NKAIN3: variants seen among roughly 807,000 people sequenced by gnomAD.
NKAIN3 encodes sodium/potassium transporting ATPase interacting 3, also known as sodium/potassium-transporting ATPase subunit beta-1-interacting protein 3.
NKAIN3 carries 25 observed loss-of-function variants against 30.2 expected under a neutral mutation model. The ratio of observed to expected loss-of-function variants is 0.83; its 90% CI spans 0.60 to 1.16. The LOEUF (loss-of-function observed/expected upper bound fraction) is 1.16, where lower values mean the gene tolerates loss of function less well. NKAIN3 is among the 50% of genes most tolerant of loss of function. The pLI, the probability that NKAIN3 is intolerant of heterozygous loss-of-function variation, is 0.00. For missense variants in NKAIN3, 225 were observed against 254.1 expected, an observed-to-expected ratio of 0.89 and a Z score of 0.78; for synonymous variants, 91 against 89.6, an observed-to-expected ratio of 1.02 and a Z score of -0.09.
At chr8:62,453,424 A>C (rs1805713781) in intron 1 of NKAIN3, among the ~76,000 whole-genome samples, 1 of 152,186 alleles carries the variant, frequency 6.6e-6, no homozygotes. Context: ...CCACATCAAA[A>C]AGTTAGAAAG....
At chr8:62,673,001 A>G (rs1238506155) in intron 3 of NKAIN3, among the ~76,000 whole-genome samples, 2 of 152,210 alleles carry the variant, frequency 1.3e-5, no homozygotes, top group Admixed American at 6.5e-5. Flanking sequence ...CACATGCCCT[A>G]TGTTATCTTA....
At chr8:62,865,967 A>G (rs1820401856) in intron 4 of NKAIN3, among the ~76,000 whole-genome samples, 1 of 152,210 alleles carries the variant, frequency 6.6e-6, no homozygotes, top group South Asian at 2.1e-4. Flanking sequence ...GATTTTTAAA[A>G]AAGTGGCTCC....
rs2130919004 is a variant in NKAIN3, at chr8:62,976,191, C to G, written c.*10784C>G. Among the ~76,000 whole-genome samples, 1 of 151,532 alleles carries G rather than the reference C, an allele frequency of 6.6e-6. No individual in the cohort carries two copies. Among genetic ancestry groups the G allele is most frequent in the East Asian group, 2.0e-4 (1 of 5,088 alleles). The stretch of plus-strand genomic sequence containing the variant: ...TTGGGGTGGAGAGTTCTGTAGATAT[C>G]TATTAGGTCTGCTTGGTCAAGAGGT... On this transcript the variant is annotated 3_prime_UTR_variant, in exon 7 of 7. Transcript: ENST00000623646.
intron 1 of NKAIN3, among the ~76,000 whole-genome samples, chr8:62,322,231 C>G (rs1814951556): frequency 6.6e-6 from 1 of 152,186 alleles, no homozygotes; most frequent in Non-Finnish European, 1.5e-5. Flanking sequence ...TCTGTCACCC[C>G]TTTCTTTGAC....
rs182842203 is a variant in NKAIN3 at position 62,540,476 on chromosome 8, T to C, written c.55-39063T>C. On this transcript the variant is annotated intron_variant, in intron 1 of 6. Coordinates refer to ENST00000623646, the MANE Select transcript of NKAIN3 (RefSeq NM_001304533.3). ...TACTACATTTCCATTCTTATAGTCA[T>C]ATCTTTTCATTTATTTGTTTTCTAC... Among the ~76,000 whole-genome samples, 13 of 152,342 alleles carry C rather than the reference T, an allele frequency of 8.5e-5. No individual in the cohort carries two copies. In the East Asian group the frequency reaches 2.3e-3, roughly 27 times the overall value.
chr8:62,977,173 T>G lies in NKAIN3; in HGVS notation c.*11766T>G, dbSNP rs1473800285. Among the ~76,000 whole-genome samples, 1 of 152,208 alleles carries G rather than the reference T, an allele frequency of 6.6e-6. No individual in the cohort carries two copies. Among genetic ancestry groups the G allele is most frequent in the Non-Finnish European group, 1.5e-5 (1 of 68,038 alleles). On this transcript the variant is annotated 3_prime_UTR_variant, in exon 7 of 7. Coordinates refer to ENST00000623646, the MANE Select transcript of NKAIN3 (RefSeq NM_001304533.3). Reference sequence around the variant, plus strand: ...ACGATTATGTGTCTTGGGGTTGCTCTTCTCAAAGAGTATCTTTGTGGTGTT... The same window carrying G: ...ACGATTATGTGTCTTGGGGTTGCTCGTCTCAAAGAGTATCTTTGTGGTGTT...
intron 1 of NKAIN3, among the ~76,000 whole-genome samples, chr8:62,435,934 T>TTC (rs1168586707): frequency 1.3e-5 from 2 of 152,206 alleles, no homozygotes; most frequent in Non-Finnish European, 2.9e-5. Flanking sequence ...CCATTAAATA[T>TTC]TCTACACAGT....
chr8:62,959,437 T>G (rs935306145), intron 6 of NKAIN3, among the ~76,000 whole-genome samples: 2 of 145,614 alleles, frequency 1.4e-5, no homozygotes, highest in Non-Finnish European at 3.0e-5. Flanking sequence ...AATCAGGGTG[T>G]GTGTGTGTGT....
At chr8:62,280,682 G>C (rs543326133) in intron 1 of NKAIN3, among the ~76,000 whole-genome samples, 1 of 152,244 alleles carries the variant, frequency 6.6e-6, no homozygotes, top group South Asian at 2.1e-4. Flanking sequence ...TACATTTATT[G>C]ATTTGCATAC....
chr8:62,590,299 G>C (rs559240248), intron 3 of NKAIN3, among the ~76,000 whole-genome samples: 2 of 151,898 alleles, frequency 1.3e-5, no homozygotes, highest in South Asian at 4.1e-4. Flanking sequence ...ATGCATCAGC[G>C]TGGTGATTCC....
At chr8:62,462,511 T>C (rs1338335090) in intron 1 of NKAIN3, among the ~76,000 whole-genome samples, 1 of 152,258 alleles carries the variant, frequency 6.6e-6, no homozygotes, top group African/African-American at 2.4e-5. Flanking sequence ...CTGGGCAAAG[T>C]CCCTGCTGTC....
intron 1 of NKAIN3, among the ~76,000 whole-genome samples, chr8:62,272,318 G>T (rs888585698): frequency 6.6e-6 from 1 of 152,132 alleles, no homozygotes; most frequent in African/African-American, 2.4e-5. Context: ...GAGTATGGGG[G>T]ATATGAGTGT....
At chr8:62,653,436 C>T (rs1812682946) in intron 3 of NKAIN3, among the ~76,000 whole-genome samples, 1 of 152,114 alleles carries the variant, frequency 6.6e-6, no homozygotes, top group Admixed American at 6.6e-5. Flanking sequence ...TGATGGGCTT[C>T]AGTGTAGGAG....
At chr8:62,603,810 G>A (rs932157364) in intron 3 of NKAIN3, among the ~76,000 whole-genome samples, 26 of 152,082 alleles carry the variant, frequency 1.7e-4, no homozygotes, top group Non-Finnish European at 2.9e-4. Context: ...ATAAGTTTGA[G>A]AATGCAAGGT....
chr8:62,442,566 G>A (rs1248978196), intron 1 of NKAIN3, among the ~76,000 whole-genome samples: 3 of 151,320 alleles, frequency 2.0e-5, no homozygotes, highest in African/African-American at 7.3e-5. Flanking sequence ...CTTTTTGACT[G>A]GTTAATGTTT....
intron 1 of NKAIN3, among the ~76,000 whole-genome samples, chr8:62,364,848 A>AAAAAAAAAAAAAG (rs1476804084): frequency 6.6e-6 from 1 of 151,198 alleles, no homozygotes; most frequent in African/African-American, 2.4e-5. Flanking sequence ...AAAAAAAAAA[A>AAAAAAAAAAAAAG]AAATCATCTA....
intron 1 of NKAIN3, among the ~76,000 whole-genome samples, chr8:62,261,693 T>C (rs1812448805): frequency 6.6e-6 from 1 of 152,234 alleles, no homozygotes; most frequent in African/African-American, 2.4e-5. Context: ...ATATTCTATC[T>C]TGAAGAAGGC....
intron 1 of NKAIN3, among the ~76,000 whole-genome samples, chr8:62,377,680 TAGTG>T (rs1244048271): frequency 1.3e-5 from 2 of 152,032 alleles, no homozygotes; most frequent in African/African-American, 2.4e-5. Context: ...GTTCTCATGA[TAGTG>T]AGTGAGTTCT....
chr8:62,838,185 A>G (rs1384842072), intron 4 of NKAIN3, among the ~76,000 whole-genome samples: 2 of 151,200 alleles, frequency 1.3e-5, no homozygotes, highest in Non-Finnish European at 2.9e-5. Flanking sequence ...AATATACTCA[A>G]GCATATTGCA....
Sources: gnomAD v4.1 joint callset for allele counts (sites outside exome capture counted in the v4.1 genomes callset) on GRCh38, gnomAD v4.1.1 for gene constraint, MANE v1.5 for transcripts, NCBI Gene and HGNC (gene_info 2026-07-23, HGNC 2026-07-21) for gene names.